TLN2: variants seen among roughly 807,000 people sequenced by gnomAD.
TLN2 encodes the protein talin-2.
In TLN2, 118 loss-of-function variants were observed where a neutral mutation model predicts 294.7. That is an observed-to-expected ratio of 0.40 (90% CI 0.34 to 0.47). The LOEUF (loss-of-function observed/expected upper bound fraction) is 0.47, where lower values mean the gene tolerates loss of function less well. TLN2 is among the 20% of genes least tolerant of loss of function. TLN2 has a pLI of 0.84. For missense variants in TLN2, 3,083 were observed against 3,282.2 expected (o/e 0.94, Z 1.48); for synonymous variants, 1,431 against 1,304.5 (o/e 1.10, Z -2.09).
intron 31 of TLN2, 35 bp from the exon 32 acceptor site, chr15:62,740,595 G>T (rs888012209): frequency 1.2e-6 from 2 of 1,613,112 alleles, no homozygotes; most frequent in Non-Finnish European, 1.7e-6. Flanking sequence ...GAAATGGACA[G>T]GCCCTAATAG....
At chr15:62,711,809 C>T in intron 21 of TLN2, 102 bp from the exon 22 acceptor site, 3 of 1,355,758 alleles carry the variant, frequency 2.2e-6, no homozygotes, top group South Asian at 1.7e-5. Context: ...TTTTTTGCTC[C>T]TGCTTACCAG....
chr15:62,736,345 CT>C (rs2061012796), intron 28 of TLN2, among the ~76,000 whole-genome samples: 1 of 151,318 alleles, frequency 6.6e-6, no homozygotes, highest in African/African-American at 2.4e-5. Flanking sequence ...TAAAAGTAGT[CT>C]AAGGTAATAG....
rs777806245 is a variant in TLN2, at chr15:62,783,994, G to A, written c.5736+104G>A. On this transcript the variant is annotated intron_variant, in intron 45 of 58. Transcript: ENST00000636159. ...CTCCACTCTGGAAGACCCCAGCCCA[G>A]TAACCAGAGCCCAGTTTATTTCCCC... The A allele has an allele frequency of 5.1e-6, 8 of 1,561,820 alleles. No homozygotes were observed. The African/African-American group carries it at 1.1e-4, about 21-fold the overall frequency.
intron 1 of TLN2, among the ~76,000 whole-genome samples, chr15:62,582,577 G>A (rs893945334): frequency 8.5e-5 from 13 of 152,292 alleles, no homozygotes; most frequent in Non-Finnish European, 2.9e-5. Flanking sequence ...GTGTGGGGAC[G>A]GCATTGTAGA....
intron 21 of TLN2, among the ~76,000 whole-genome samples, chr15:62,710,788 C>T (rs987515757): frequency 3.1e-5 from 4 of 128,478 alleles, no homozygotes; most frequent in African/African-American, 1.1e-4. Flanking sequence ...AGCAGTGACA[C>T]AATCTCAGCT....
chr15:62,391,324 G>C (rs1324857327), intron 1 of TLN2, among the ~76,000 whole-genome samples: 1 of 152,198 alleles, frequency 6.6e-6, no homozygotes, highest in African/African-American at 2.4e-5. Flanking sequence ...CGAACTGCTG[G>C]CCGCTGAGCG....
chr15:62,817,530 G>T (rs1229418828), intron 52 of TLN2, among the ~76,000 whole-genome samples: 1 of 152,208 alleles, frequency 6.6e-6, no homozygotes, highest in East Asian at 1.9e-4. Context: ...TAATCCATTT[G>T]TGCGTACGCA....
At chr15:62,576,974 C>T (rs1596209115) in intron 1 of TLN2, among the ~76,000 whole-genome samples, 1 of 152,086 alleles carries the variant, frequency 6.6e-6, no homozygotes, top group East Asian at 1.9e-4. Flanking sequence ...CCCATGGTCA[C>T]CTGGCCAGCT....
chr15:62,501,532 A>C (rs868483703), intron 1 of TLN2, among the ~76,000 whole-genome samples: 7 of 152,174 alleles, frequency 4.6e-5, no homozygotes, highest in South Asian at 2.1e-4. Flanking sequence ...GGAAAACGTT[A>C]ATTCCTGGTT....
Position 62,697,833 on chromosome 15 carries a change from G to T in TLN2, c.1438G>T (p.Val480Phe). Reference sequence around the variant, plus strand: ...GCCCTCGCCACAGCAGCAGGTCATGGTTGGGCAGATGCACCGAGGCCACAT... The same window carrying T: ...GCCCTCGCCACAGCAGCAGGTCATGTTTGGGCAGATGCACCGAGGCCACAT... ...SMPSPQQQVM[V>F]GQMHRGHMPP... Residue 480 changes from valine to phenylalanine, a missense_variant, in exon 15 of 59, where the codon GTT becomes TTT. Val to Phe is a conservative substitution (Grantham distance 50). Transcript: ENST00000636159. The T allele has an allele frequency of 6.2e-7, 1 of 1,612,958 alleles. No individual in the cohort carries two copies. The highest frequency in any genetic ancestry group is 8.5e-7 in the Non-Finnish European group (1 of 1,179,866).
Position 62,776,749 on chromosome 15 carries a change from C to A in TLN2, c.5368-15C>A. ...CTCTTCTGCTTAAGGAAATGTTTCA[C>A]AATTCCCTTCTCAGGCACAACACAC... On this transcript the variant is annotated splice_polypyrimidine_tract_variant and intron_variant, in intron 42 of 58. Transcript: ENST00000636159. 1 of 1,494,142 alleles carries A rather than the reference C, an allele frequency of 6.7e-7. No homozygotes were observed. Among genetic ancestry groups the A allele is most frequent in the Non-Finnish European group, 9.0e-7 (1 of 1,114,372 alleles). The allele number at this position is 1,494,142 out of a possible 1,614,324, so 92.6% of individuals were successfully genotyped here. A position where few individuals can be genotyped will look rare whatever the true frequency, so the allele number is the denominator to read the frequency against.
intron 11 of TLN2, among the ~76,000 whole-genome samples, chr15:62,679,974 A>G (rs2141023797): frequency 6.6e-6 from 1 of 152,312 alleles, no homozygotes; most frequent in Non-Finnish European, 1.5e-5. Context: ...CATTTTCAAA[A>G]TCTAGTTCAG....
intron 3 of TLN2, among the ~76,000 whole-genome samples, chr15:62,633,230 G>A (rs1365159245): frequency 6.6e-6 from 1 of 152,134 alleles, no homozygotes; most frequent in Non-Finnish European, 1.5e-5. Context: ...TTGTGACCTT[G>A]GGCATAATGT....
chr15:62,698,728 C>A lies in TLN2; in HGVS notation c.1474-26C>A, dbSNP rs370118582. The A allele has an allele frequency of 1.8e-5, 29 of 1,591,702 alleles. No individual in the cohort carries two copies. The African/African-American group carries it at 3.6e-4, about 20-fold the overall frequency. On this transcript the variant is annotated intron_variant, in intron 15 of 58. Coordinates refer to ENST00000636159, the MANE Select transcript of TLN2 (RefSeq NM_015059.3). The stretch of plus-strand genomic sequence containing the variant: ...TGTCGGTCCCAGGCGTGTGGGATGA[C>A]AGCTTTGTTTCATTTGCCTTTGCAG...
chr15:62,765,863 T>C (rs2062967595), intron 40 of TLN2, among the ~76,000 whole-genome samples: 1 of 152,236 alleles, frequency 6.6e-6, no homozygotes, highest in Non-Finnish European at 1.5e-5. Context: ...TAGTCCTGCT[T>C]TCAAGGAGCT....
Position 62,581,719 on chromosome 15 carries a change from T to C in TLN2, c.-237-7968T>C, listed in dbSNP as rs148851104. ...GACAACAGACCAAAGAGTCGAGAAGTTTATTCACAGACCCCAGGTTTGTAG... is the reference window on the plus strand; with the variant it reads ...GACAACAGACCAAAGAGTCGAGAAGCTTATTCACAGACCCCAGGTTTGTAG... On this transcript the variant is annotated intron_variant, in intron 1 of 58. Transcript: ENST00000636159. Among the ~76,000 whole-genome samples, 434 of 152,182 alleles carry C rather than the reference T, an allele frequency of 2.9e-3. 2 individuals carry two copies. The highest frequency in any genetic ancestry group is 0.01 in the African/African-American group (421 of 41,508).
chr15:62,425,710 T>C (rs1032336722), intron 1 of TLN2, among the ~76,000 whole-genome samples: 2 of 152,212 alleles, frequency 1.3e-5, no homozygotes, highest in Non-Finnish European at 2.9e-5. Context: ...TCCTTGGGTT[T>C]AATTTCACCT....
chr15:62,412,553 A>G (rs1199222735), intron 1 of TLN2, among the ~76,000 whole-genome samples: 1 of 152,224 alleles, frequency 6.6e-6, no homozygotes, highest in African/African-American at 2.4e-5. Flanking sequence ...CTTGGCATCC[A>G]TTAACTCTGT....
At position 62,722,394 on chromosome 15, in the gene TLN2, C is replaced by T. The variant is rs756166859; in HGVS notation, c.3033C>T (p.Pro1011=). The T allele has an allele frequency of 5.6e-6, 9 of 1,613,272 alleles. No individual in the cohort carries two copies. Among genetic ancestry groups the T allele is most frequent in the South Asian group, 1.1e-5 (1 of 91,028 alleles). ...TGTCCTCTGCCAAAGCCGCAGTGCC[C>T]ACCGTGAGTGACCAGGCCGCAGCCA... ...KMVSSAKAAV[P]TVSDQAAAMQ... Residue 1011 remains proline, a synonymous_variant, in exon 26 of 59, where the codon CCC becomes CCT. Transcript: ENST00000636159.
Sources: gnomAD v4.1 joint callset for allele counts (sites outside exome capture counted in the v4.1 genomes callset) on GRCh38, gnomAD v4.1.1 for gene constraint, MANE v1.5 for transcripts, NCBI Gene and HGNC (gene_info 2026-07-23, HGNC 2026-07-21) for gene names.